Variants in HERC2 observed in about 807,000 individuals in gnomAD.
HERC2 encodes HECT and RLD domain containing E3 ubiquitin protein ligase 2.
Under a neutral mutation model 537.7 loss-of-function variants are expected in HERC2, and 102 were observed. That is an observed-to-expected ratio of 0.19 (90% confidence interval 0.16 to 0.22). The LOEUF (loss-of-function observed/expected upper bound fraction) is 0.22, where lower values mean the gene tolerates loss of function less well. Ranked by LOEUF, HERC2 falls within the 10% of genes least tolerant of loss-of-function variation. HERC2 has a pLI of 1.00. For missense variants in HERC2, 4,236 were observed against 6,198.2 expected (o/e 0.68, Z 10.63); for synonymous variants, 2,224 against 2,466.2 (o/e 0.90, Z 2.91).
At chr15:28,247,686 C>G (rs1014904439) in intron 21 of HERC2, among the ~76,000 whole-genome samples, 3 of 152,080 alleles carry the variant, frequency 2.0e-5, no homozygotes. Flanking sequence ...CCTTGGCCTC[C>G]CAAAGTGCTG....
At chr15:28,288,419 G>C (rs1667392) in intron 4 of HERC2, among the ~76,000 whole-genome samples, 67,832 of 113,478 alleles carry the variant, frequency 0.6, 24,083 homozygotes, top group Non-Finnish European at 0.79. Context: ...CCAGCTACTC[G>C]GGAGGCTGAG....
At chr15:28,186,011 C>T (rs1896273689) in intron 56 of HERC2, among the ~76,000 whole-genome samples, 1 of 152,128 alleles carries the variant, frequency 6.6e-6, no homozygotes, top group African/African-American at 2.4e-5. Flanking sequence ...TAAATGAGAA[C>T]AGTCATAAGA....
At chr15:28,175,396 A>G (rs538896658) in intron 64 of HERC2, 116 bp downstream of exon 64, 24 of 1,010,856 alleles carry the variant, frequency 2.4e-5, no homozygotes, top group Non-Finnish European at 3.5e-5. Flanking sequence ...TCCAAGCAGT[A>G]AGACTCAGCT....
chr15:28,284,504 T>C (rs2076102064), intron 4 of HERC2, among the ~76,000 whole-genome samples: 1 of 150,930 alleles, frequency 6.6e-6, no homozygotes, highest in Admixed American at 6.6e-5. Flanking sequence ...CATAAGAAAG[T>C]GACTTCAAAC....
At chr15:28,236,158 A>ATTCCTGCACACTTTTTAGC (rs1902422092) in intron 26 of HERC2, among the ~76,000 whole-genome samples, 1 of 152,034 alleles carries the variant, frequency 6.6e-6, no homozygotes, top group Non-Finnish European at 1.5e-5. Flanking sequence ...ACGGGTAGAG[A>ATTCCTGCACACTTTTTAGC]TTCCTGCACA....
At position 28,270,839 on chromosome 15, in the gene HERC2, C is replaced by G; in HGVS notation, c.1113G>C (p.Glu371Asp). ...GAAGGGTGAGGTACCTCAGGAAACTCTCATTGGGGCTCAGAGGGCCAGACA... is the reference window on the plus strand; with the variant it reads ...GAAGGGTGAGGTACCTCAGGAAACTGTCATTGGGGCTCAGAGGGCCAGACA... ...HLLSGPLSPN[E>D]SFLRYLTLPQ... Residue 371 changes from glutamate to aspartate, a missense_variant, in exon 10 of 93, where the codon GAG (glutamate) becomes GAC (aspartate). Transcript: ENST00000261609. The G allele has an allele frequency of 6.2e-7, 1 of 1,613,782 alleles. No individual in the cohort carries two copies. Among genetic ancestry groups the G allele is most frequent in the Non-Finnish European group, 8.5e-7 (1 of 1,179,854 alleles).
At chr15:28,304,702 A>ATTTTTTTTTTTTTT (rs780900477) in intron 2 of HERC2, among the ~76,000 whole-genome samples, 1 of 108,346 alleles carries the variant, frequency 9.2e-6, no homozygotes. Context: ...AAGGGCTTCC[A>ATTTTTTTTTTTTTT]TTTTTTTTTT....
chr15:28,184,681 G>T (rs910364678), intron 56 of HERC2, among the ~76,000 whole-genome samples: 4 of 151,744 alleles, frequency 2.6e-5, no homozygotes, highest in African/African-American at 9.7e-5. Context: ...CTAACACGGT[G>T]AAAGCCCGTC....
At chr15:28,274,213 C>CT (rs1174199996) in intron 7 of HERC2, 78 bp downstream of exon 7, 1 of 1,500,734 alleles carries the variant, frequency 6.7e-7, no homozygotes, top group Non-Finnish European at 9.1e-7. Flanking sequence ...CTTCTTAGCT[C>CT]TAAAGCAAGG....
chr15:28,295,217 AC>A (rs1289157332), intron 3 of HERC2, among the ~76,000 whole-genome samples: 1 of 151,146 alleles, frequency 6.6e-6, no homozygotes, highest in Non-Finnish European at 1.5e-5. Flanking sequence ...ACCTTGGGTC[AC>A]AGAATACAGA....
At chr15:28,248,462 C>A in intron 21 of HERC2, 90 bp downstream of exon 21, 1 of 923,162 alleles carries the variant, frequency 1.1e-6, no homozygotes, top group South Asian at 1.6e-5. Flanking sequence ...AACAACTACA[C>A]ATCTGGGCAT....
At chr15:28,190,053 G>C (rs969152675) in intron 55 of HERC2, 1 of 146,356 alleles carries the variant, frequency 6.8e-6, no homozygotes, top group African/African-American at 2.6e-5. Flanking sequence ...CTGTCGCCCA[G>C]GCTGGAGTGC....
chr15:28,316,658 G>T (rs2077094833), intron 2 of HERC2, among the ~76,000 whole-genome samples: 1 of 152,086 alleles, frequency 6.6e-6, no homozygotes, highest in Admixed American at 6.5e-5. Flanking sequence ...CGTCAATGAA[G>T]ACTCCCATGT....
At chr15:28,273,930 T>C (rs2075803886) in intron 7 of HERC2, among the ~76,000 whole-genome samples, 1 of 152,156 alleles carries the variant, frequency 6.6e-6, no homozygotes, top group Non-Finnish European at 1.5e-5. Flanking sequence ...ACTCCCACAT[T>C]ATCTATAAGA....
chr15:28,117,647 CAGTG>C, intron 86 of HERC2: 1 of 422,806 alleles, frequency 2.4e-6, no homozygotes, highest in Non-Finnish European at 4.8e-6. Flanking sequence ...GAAGCAGACA[CAGTG>C]AGTGAGTGCC....
chr15:28,306,265 G>A (rs192515338), intron 2 of HERC2, among the ~76,000 whole-genome samples: 1 of 152,294 alleles, frequency 6.6e-6, no homozygotes, highest in Admixed American at 6.5e-5. Context: ...TTTTTTGGGG[G>A]TTTTTATCAT....
At chr15:28,174,286 C>A in intron 65 of HERC2, 109 bp downstream of exon 65, 1 of 706,044 alleles carries the variant, frequency 1.4e-6, no homozygotes, top group Non-Finnish European at 2.3e-6. Context: ...AGTCATAATG[C>A]AGTTAACATG....
At chr15:28,236,392 G>C (rs981243846) in intron 26 of HERC2, among the ~76,000 whole-genome samples, 6 of 152,104 alleles carry the variant, frequency 3.9e-5, no homozygotes, top group African/African-American at 1.4e-4. Flanking sequence ...CTGGGTTCAA[G>C]CAATTCTCCT....
At chr15:28,214,977 G>A (rs1026690117) in intron 39 of HERC2, among the ~76,000 whole-genome samples, 175 bp from the exon 40 acceptor site, 1 of 152,082 alleles carries the variant, frequency 6.6e-6, no homozygotes, top group Non-Finnish European at 1.5e-5. Flanking sequence ...AGGTTCAAAC[G>A]ATTCTCCTTG....
Sources: allele counts gnomAD v4.1 joint callset (sites outside exome capture counted in the v4.1 genomes callset), GRCh38; gene constraint gnomAD v4.1.1; transcripts MANE v1.5; gene names NCBI Gene and HGNC (gene_info 2026-07-23, HGNC 2026-07-21).